Variants in RNF213 observed in about 807,000 individuals in gnomAD.
RNF213 encodes E3 ubiquitin-protein ligase RNF213.
RNF213 carries 341 observed loss-of-function variants against 514.4 expected under a neutral mutation model. The observed-to-expected ratio is 0.66, with a 90% CI of 0.61 to 0.73. The LOEUF (loss-of-function observed/expected upper bound fraction) is 0.73. RNF213 is among the 30% of genes least tolerant of loss of function. The pLI is 0.00. For synonymous variants in RNF213, 2,655 were observed against 2,658.2 expected (o/e 1.00, Z 0.04); for missense variants, 5,767 against 6,615.6 (o/e 0.87, Z 4.45).
Position 80,347,950 on chromosome 17 carries a change from T to C in RNF213, c.9615T>C (p.His3205=), listed in dbSNP as rs773925198. The change falls in exon 29 of 68, where the codon CAT becomes CAC. Residue 3205 remains histidine (H), a synonymous_variant. Coordinates refer to ENST00000582970, the MANE Select transcript of RNF213 (RefSeq NM_001256071.3). This position sits in a 1 kb window ranked among gnomAD's most constrained non-coding sequence, Gnocchi z 7.2. Reference sequence around the variant, plus strand: ...AGTTCATCAATGTCAAAGCACATCATTTCCAGAAGAGGCACAAATACAGCC... The same window carrying C: ...AGTTCATCAATGTCAAAGCACATCACTTCCAGAAGAGGCACAAATACAGCC... ...VEKFINVKAH[H]FQKRHKYSPS... 4 of 1,614,008 alleles carry C rather than the reference T, an allele frequency of 2.5e-6. No individual in the cohort carries two copies. Among genetic ancestry groups the C allele is most frequent in the Non-Finnish European group, 3.4e-6 (4 of 1,179,826 alleles).
At position 80,368,127 on chromosome 17, in the gene RNF213, G is replaced by A. The variant is rs375686007; in HGVS notation, c.12139G>A (p.Val4047Ile). ...CTTGCCAGACGAATTCTCTCCAGCT[G>A]TTTCCCAAGCGCACAGGTACAACAC... ...TALPDEFSPA[V>I]SQAHREAIEK... is the part of the protein sequence containing the mutation. The change falls in exon 44 of 68, where the codon GTT becomes ATT. Residue 4047 changes from valine to isoleucine, a missense_variant. Transcript: ENST00000582970. 29 of 1,614,100 alleles carry A rather than the reference G, an allele frequency of 1.8e-5. No homozygotes were observed. Among genetic ancestry groups the A allele is most frequent in the Non-Finnish European group, 2.3e-5 (27 of 1,180,040 alleles).
rs766559346 is a variant in RNF213 at position 80,376,554 on chromosome 17, G to A, written c.13428+11G>A. The A allele has an allele frequency of 5.0e-6, 8 of 1,613,780 alleles. No homozygotes were observed. The African/African-American group carries it at 9.3e-5, about 19-fold the overall frequency. ...CCAGCCACCATGGCGGTAAGAGTAG[G>A]CCACAATTCCATCGGCCTTCACTGG... On this transcript the variant is annotated intron_variant, in intron 52 of 67. Coordinates refer to ENST00000582970, the MANE Select transcript of RNF213 (RefSeq NM_001256071.3).
At position 80,372,533 on chromosome 17, in the gene RNF213, G is replaced by C. The variant is rs750597848; in HGVS notation, c.12550G>C (p.Glu4184Gln). 1 of 1,612,898 alleles carries C rather than the reference G, an allele frequency of 6.2e-7. No homozygotes were observed. The highest frequency in any genetic ancestry group is 1.1e-5 in the South Asian group (1 of 90,888). Reference protein sequence around the residue: ...FINCLEDSILEKTSAYSRNDE... With the variant: ...FINCLEDSILQKTSAYSRNDE... ...CCTTGTTCCTCAGGATTCAATACTT[G>C]AGAAGACCAGTGCTTACTCCAGAAA... Residue 4184 changes from glutamate to glutamine, a missense_variant, in exon 48 of 68, where the codon GAG becomes CAG. By Grantham distance (29) the Glu-to-Gln change is conservative. Coordinates refer to ENST00000582970, the MANE Select transcript of RNF213 (RefSeq NM_001256071.3).
Position 80,372,673 on chromosome 17 carries a change from C to T in RNF213, c.12690C>T (p.Ala4230=). 1 of 1,614,054 alleles carries T rather than the reference C, an allele frequency of 6.2e-7. No individual in the cohort carries two copies. Among genetic ancestry groups the T allele is most frequent in the Non-Finnish European group, 8.5e-7 (1 of 1,180,044 alleles). Residue 4230 remains alanine, a synonymous_variant, in exon 48 of 68, where the codon GCC becomes GCT. Coordinates refer to ENST00000582970, the MANE Select transcript of RNF213 (RefSeq NM_001256071.3). ...EASVEYLQEV[A]RIRLCLDRAA... The stretch of plus-strand genomic sequence containing the variant: ...CGGTTGAATACCTGCAAGAGGTGGC[C>T]CGGATCCGCCTCTGCCTCGACAGAG...
chr17:80,262,807 G>T (rs1306348381), intron 1 of RNF213, among the ~76,000 whole-genome samples: 5 of 152,196 alleles, frequency 3.3e-5, no homozygotes, highest in African/African-American at 4.8e-5. Flanking sequence ...GCCCACCCCA[G>T]TGGGAGGAGA....
At chr17:80,261,093 A>T (rs1034219192) in intron 1 of RNF213, among the ~76,000 whole-genome samples, 191 bp downstream of exon 1, 23 of 151,732 alleles carry the variant, frequency 1.5e-4, no homozygotes, top group Admixed American at 5.9e-4. Context: ...CGCGGCGCCC[A>T]CTGACCCTGT....
intron 21 of RNF213, 35 bp from the exon 22 acceptor site, chr17:80,334,070 T>G: frequency 6.5e-7 from 1 of 1,536,894 alleles, no homozygotes; most frequent in South Asian, 1.2e-5. Flanking sequence ...TTCTGGTTAA[T>G]GAGTTCCAGT....
chr17:80,352,398 G>A (rs1378542875), intron 32 of RNF213: 1 of 285,624 alleles, frequency 3.5e-6, no homozygotes, highest in Non-Finnish European at 6.6e-6. Flanking sequence ...GGAGACTCCC[G>A]ACTCCCGACA....
chr17:80,331,841 G>A (rs182827026), intron 20 of RNF213, among the ~76,000 whole-genome samples, 165 bp from the exon 21 acceptor site: 1 of 152,328 alleles, frequency 6.6e-6, no homozygotes, highest in East Asian at 1.9e-4. Flanking sequence ...ACAAGGCCAA[G>A]CGGGGAGGGA....
Position 80,345,977 on chromosome 17 carries a change from A to C in RNF213, c.7642A>C (p.Ser2548Arg). 1.2e-6 allele frequency: 2 copies of C among 1,614,228 alleles called. No individual in the cohort carries two copies. The highest frequency in any genetic ancestry group is 1.1e-5 in the South Asian group (1 of 91,082). Reference protein sequence around the residue: ...LESAGLGYRVSMEETADRLGS... With the variant: ...LESAGLGYRVRMEETADRLGS... ...GTCAGCTGGTTTGGGCTACAGGGTT[A>C]GTATGGAGGAGACGGCCGACAGGCT... is the stretch of plus-strand genomic sequence containing the variant. The change falls in exon 29 of 68, where the codon AGT (serine) becomes CGT (arginine). Residue 2548 changes from serine to arginine, a missense_variant. Ser to Arg is a moderately radical substitution (Grantham distance 110). Coordinates refer to ENST00000582970, the MANE Select transcript of RNF213 (RefSeq NM_001256071.3). The surrounding 1 kb of genome is among the most constrained non-coding windows in gnomAD (Gnocchi z 6.0).
chr17:80,333,909 T>C (rs1333896804), intron 21 of RNF213, 196 bp from the exon 22 acceptor site: 6 of 596,924 alleles, frequency 1.0e-5, no homozygotes, highest in Non-Finnish European at 1.8e-5. Flanking sequence ...ACAGTTCATC[T>C]TGATCAGGGA....
chr17:80,373,178 G>C lies in RNF213; in HGVS notation c.12942+13G>C. ...TGTCAAGCAGCAGGTGAGAAGCGGG[G>C]CCGGGCAGCACACAAACATGCACCC... On this transcript the variant is annotated intron_variant, in intron 49 of 67. Coordinates refer to ENST00000582970, the MANE Select transcript of RNF213 (RefSeq NM_001256071.3). The C allele has an allele frequency of 6.2e-7, 1 of 1,603,458 alleles. No homozygotes were observed. The highest frequency in any genetic ancestry group is 8.5e-7 in the Non-Finnish European group (1 of 1,179,620).
chr17:80,334,272 T>TA lies in RNF213; in HGVS notation c.4309+6dup. 1 of 1,532,060 alleles carries TA rather than the reference T, an allele frequency of 6.5e-7. No homozygotes were observed. Among genetic ancestry groups the TA allele is most frequent in the Non-Finnish European group, 8.7e-7 (1 of 1,143,994 alleles). 94.9% of individuals were successfully genotyped at this position (1,532,060 alleles called of 1,614,324 possible). A position where few individuals can be genotyped will look rare whatever the true frequency, so the allele number is the denominator to read the frequency against. On this transcript the variant is annotated splice_region_variant and intron_variant, in intron 22 of 67. Transcript: ENST00000582970. ...GCTGGGTCCGGGAGGCTCTTGGAGG[T>TA]AAAATCAGCCTTTGGGGTTGCGTGG...
Position 80,351,829 on chromosome 17 carries a change from A to G in RNF213, c.10303+26A>G, listed in dbSNP as rs771884186. The G allele has an allele frequency of 4.3e-6, 5 of 1,153,694 alleles. No individual in the cohort carries two copies. In the African/African-American group the frequency reaches 7.6e-5, roughly 18 times the overall value. The allele number at this position is 1,153,694 out of a possible 1,614,324, so 71.5% of individuals were successfully genotyped here. On this transcript the variant is annotated intron_variant, in intron 32 of 67. Coordinates refer to ENST00000582970, the MANE Select transcript of RNF213 (RefSeq NM_001256071.3). The stretch of plus-strand genomic sequence containing the variant: ...GTGAGATCAGAACATCAGTCAGGGT[A>G]TTTATTTATGTATTTATTTATTTAT...
rs146514228 is a variant in RNF213, at chr17:80,344,262, A to G, written c.6342+247A>G. The stretch of plus-strand genomic sequence containing the variant: ...CTGTTCAATTCAGGCTTCATGCTGT[A>G]TGCCCAGTCTGAATCCCAGCTGTGC... On this transcript the variant is annotated intron_variant, in intron 28 of 67. Coordinates refer to ENST00000582970, the MANE Select transcript of RNF213 (RefSeq NM_001256071.3). Among the ~76,000 whole-genome samples the G allele has an allele frequency of 6.2e-4, 95 of 152,350 alleles. 1 individual carries two copies. The highest frequency in any genetic ancestry group is 2.0e-3 in the African/African-American group (85 of 41,596).
At chr17:80,296,880 C>T (rs2044970930) in intron 10 of RNF213, among the ~76,000 whole-genome samples, 1 of 151,868 alleles carries the variant, frequency 6.6e-6, no homozygotes, top group Admixed American at 6.6e-5. Context: ...CGGGGTTTCA[C>T]CATGTTGCCA....
At position 80,346,303 on chromosome 17, in the gene RNF213, G is replaced by C; in HGVS notation, c.7968G>C (p.Ala2656=). 6.2e-7 allele frequency: 1 copy of C among 1,614,106 alleles called. No individual in the cohort carries two copies. Among genetic ancestry groups the C allele is most frequent in the Non-Finnish European group, 8.5e-7 (1 of 1,180,042 alleles). ...TCAGGTGGTTCCACGAGCACAGCGC[G>C]ATGCTCTTAGCGCAGCTGAATGCCT... ...KVFRWFHEHS[A]MLLAQLNAFL... The change falls in exon 29 of 68, where the codon GCG becomes GCC. Residue 2656 remains alanine, a synonymous_variant. Coordinates refer to ENST00000582970, the MANE Select transcript of RNF213 (RefSeq NM_001256071.3). The surrounding 1 kb of genome is among the most constrained non-coding windows in gnomAD (Gnocchi z 8.1).
chr17:80,359,253 C>CGGT (rs1330194683), intron 37 of RNF213, among the ~76,000 whole-genome samples: 4 of 151,804 alleles, frequency 2.6e-5, no homozygotes, highest in Non-Finnish European at 5.9e-5. Flanking sequence ...TGCCCAGGCT[C>CGGT]GGTGGCTCAT....
chr17:80,261,393 C>G (rs989259485), intron 1 of RNF213, among the ~76,000 whole-genome samples: 1 of 152,248 alleles, frequency 6.6e-6, no homozygotes, highest in African/African-American at 2.4e-5. Flanking sequence ...CACCGCGCAG[C>G]GTCCTTCCGA....
Sources: gnomAD v4.1 joint callset for allele counts (sites outside exome capture counted in the v4.1 genomes callset) on GRCh38, gnomAD v4.1.1 for gene constraint, Gnocchi (gnomAD v3.1) non-coding constraint, MANE v1.5 for transcripts, NCBI Gene and HGNC (gene_info 2026-07-23, HGNC 2026-07-21) for gene names.